CLDN14: variants seen among roughly 807,000 people sequenced by gnomAD.
CLDN14 encodes claudin-14.
CLDN14 carries 2 observed loss-of-function variants against 2.1 expected under a neutral mutation model. The observed-to-expected ratio is 0.96, with a 90% CI of 0.39 to 3.01. CLDN14 has a LOEUF of 3.01. Among genes scored for constraint, CLDN14 ranks in the 30% most tolerant of loss-of-function variants. The pLI, the probability that CLDN14 is intolerant of heterozygous loss-of-function variation, is 0.09. For missense variants in CLDN14, 298 were observed against 328.0 expected (o/e 0.91, Z 0.71); for synonymous variants, 136 against 154.4 (o/e 0.88, Z 0.88).
rs193103856 is a variant in CLDN14 at position 36,569,515 on chromosome 21, A to C, written c.-220+6896T>G. On this transcript the variant is annotated intron_variant, in intron 1 of 2. Coordinates refer to the CLDN14 transcript ENST00000342108. ...TGAGGGAACACTCTTCATTCTGAAA[A>C]AATATGATCGCTAACTAACAGATGT... Among the ~76,000 whole-genome samples the C allele has an allele frequency of 3.4e-3, 511 of 152,370 alleles. 5 individuals are homozygous for C. Among genetic ancestry groups the C allele is most frequent in the African/African-American group, 0.011 (477 of 41,598 alleles).
rs966741647 is a variant in CLDN14, at chr21:36,525,796, G to T, written c.-219-15296C>A. On this transcript the variant is annotated intron_variant, in intron 1 of 2. Transcript: ENST00000342108. ...ATACAGCTGCCCTCTCATCAGGAAC[G>T]GTACCAAGGAGCCTTGGTACCATCA... Among the ~76,000 whole-genome samples, 6 of 152,140 alleles carry T rather than the reference G, an allele frequency of 3.9e-5. No individual in the cohort carries two copies. In the East Asian group the frequency reaches 1.2e-3, roughly 29 times the overall value.
At chr21:36,536,796 A>T (rs58289132) in intron 1 of CLDN14, among the ~76,000 whole-genome samples, 1,897 of 152,322 alleles carry the variant, frequency 0.012, 38 homozygotes, top group African/African-American at 0.043. Context: ...TTAGGAGTAG[A>T]TAAGATGTCA....
intron 2 of CLDN14, chr21:36,486,920 C>T: frequency 3.3e-6 from 2 of 601,584 alleles, no homozygotes; most frequent in South Asian, 3.1e-5. Context: ...GTGGTCAGCA[C>T]TTCACAGTCA....
At chr21:36,566,084 C>T (rs1174684751) in intron 1 of CLDN14, among the ~76,000 whole-genome samples, 1 of 152,160 alleles carries the variant, frequency 6.6e-6, no homozygotes, top group African/African-American at 2.4e-5. Context: ...ATCTATCATA[C>T]AGAAGGAAGT....
In CLDN14 at chr21:36,563,883, C is replaced by T. The variant is rs576401907; in HGVS notation, c.-220+12528G>A. Reference sequence around the variant, plus strand: ...AAATTCACTCCCTCTCCCCCAGGCGCCATTACGCCATATTTGAATTATGTT... The same window carrying T: ...AAATTCACTCCCTCTCCCCCAGGCGTCATTACGCCATATTTGAATTATGTT... On this transcript the variant is annotated intron_variant, in intron 1 of 2. Transcript: ENST00000342108. 7.3e-4 allele frequency among the ~76,000 whole-genome samples: 111 copies of T among 152,292 alleles called. 1 individual carries two copies. The South Asian group carries it at 0.021, about 29-fold the overall frequency.
Position 36,460,929 on chromosome 21 carries a change from G to T in CLDN14, c.*47C>A. 1.3e-6 allele frequency: 2 copies of T among 1,595,346 alleles called. No homozygotes were observed. Among genetic ancestry groups the T allele is most frequent in the East Asian group, 2.3e-5 (1 of 44,154 alleles). ...CCCTGCCTCCATTGACAGTCCCGCC[G>T]GGGACCCAGCCCACAGCAGCCCAGG... On this transcript the variant is annotated 3_prime_UTR_variant, in exon 2 of 2. Transcript: ENST00000399135. The surrounding 1 kb of genome is among the most constrained non-coding windows in gnomAD (Gnocchi z 4.0).
At position 36,557,712 on chromosome 21, in the gene CLDN14, A is replaced by G. The variant is rs537308323; in HGVS notation, c.-220+18699T>C. Among the ~76,000 whole-genome samples, 6 of 152,272 alleles carry G rather than the reference A, an allele frequency of 3.9e-5. No individual in the cohort carries two copies. The South Asian group carries it at 1.2e-3, about 32-fold the overall frequency. ...CCCCCATCAGATACATTATTTGCAA[A>G]TATTTCCTCCCATTCTCTACGTTAT... On this transcript the variant is annotated intron_variant, in intron 1 of 2. Transcript: ENST00000342108.
intron 1 of CLDN14, among the ~76,000 whole-genome samples, chr21:36,462,433 C>A (rs551338362): frequency 5.3e-5 from 8 of 152,152 alleles, no homozygotes; most frequent in Admixed American, 2.6e-4. Flanking sequence ...GCTCCCAACA[C>A]GCTCCCCATT....
chr21:36,494,993 C>T (rs1458397800), intron 2 of CLDN14, among the ~76,000 whole-genome samples: 1 of 152,152 alleles, frequency 6.6e-6, no homozygotes, highest in South Asian at 2.1e-4. Flanking sequence ...CTGCTGTTAC[C>T]TGAGTTCCCT....
At chr21:36,529,712 T>C (rs1434765676) in intron 1 of CLDN14, among the ~76,000 whole-genome samples, 1 of 152,246 alleles carries the variant, frequency 6.6e-6, no homozygotes, top group African/African-American at 2.4e-5. Flanking sequence ...TTTGTAAGTC[T>C]AAACACTTAC....
intron 1 of CLDN14, among the ~76,000 whole-genome samples, chr21:36,553,518 C>A (rs550750780): frequency 1.0e-3 from 153 of 152,180 alleles, no homozygotes; most frequent in African/African-American, 3.4e-3. Flanking sequence ...CATCCAAGGC[C>A]CTGCCCGCCC....
At chr21:36,534,194 C>T (rs1225636367) in intron 1 of CLDN14, among the ~76,000 whole-genome samples, 1 of 152,022 alleles carries the variant, frequency 6.6e-6, no homozygotes, top group Non-Finnish European at 1.5e-5. Flanking sequence ...CTCCGCCTCC[C>T]GGGTTCAAGC....
chr21:36,546,138 C>G (rs1415278948), intron 1 of CLDN14, among the ~76,000 whole-genome samples: 1 of 152,206 alleles, frequency 6.6e-6, no homozygotes, highest in African/African-American at 2.4e-5. Context: ...TCTTCAGAGA[C>G]CTGCATATGG....
chr21:36,491,267 T>A (rs1327482770), intron 2 of CLDN14, among the ~76,000 whole-genome samples: 1 of 152,172 alleles, frequency 6.6e-6, no homozygotes, highest in East Asian at 1.9e-4. Context: ...CTAAGGTTTG[T>A]GCCCTAAAAC....
intron 1 of CLDN14, among the ~76,000 whole-genome samples, chr21:36,566,419 A>G (rs994469381): frequency 2.6e-5 from 4 of 152,204 alleles, no homozygotes; most frequent in African/African-American, 7.2e-5. Flanking sequence ...ACCCAGCCCT[A>G]TGAATGCAAA....
chr21:36,543,015 C>T (rs534250053), intron 1 of CLDN14, among the ~76,000 whole-genome samples: 1 of 152,280 alleles, frequency 6.6e-6, no homozygotes, highest in East Asian at 1.9e-4. Context: ...CACAACCTGG[C>T]GGGGGCAGGG....
chr21:36,557,018 C>T (rs1359349164), intron 1 of CLDN14, among the ~76,000 whole-genome samples: 1 of 152,178 alleles, frequency 6.6e-6, no homozygotes, highest in East Asian at 1.9e-4. Context: ...TATTTTTGCT[C>T]CTCATATAGG....
intron 1 of CLDN14, among the ~76,000 whole-genome samples, chr21:36,465,568 G>C (rs1198875067): frequency 6.6e-6 from 1 of 152,166 alleles, no homozygotes; most frequent in Non-Finnish European, 1.5e-5. Flanking sequence ...GGCCTTTCAA[G>C]GGAAAAACAA....
chr21:36,554,533 C>G (rs2087585052), intron 1 of CLDN14, among the ~76,000 whole-genome samples: 1 of 152,286 alleles, frequency 6.6e-6, no homozygotes, highest in Middle Eastern at 3.4e-3. Flanking sequence ...TCACTTATTC[C>G]CCACAACATT....
Sources: allele counts gnomAD v4.1 joint callset (sites outside exome capture counted in the v4.1 genomes callset), GRCh38; gene constraint gnomAD v4.1.1; non-coding constraint Gnocchi (gnomAD v3.1); transcripts MANE v1.5; gene names NCBI Gene and HGNC (gene_info 2026-07-23, HGNC 2026-07-21).